The following ZNF385D variants were observed in gnomAD, a reference collection of about 807,000 sequenced individuals.
ZNF385D encodes the protein zinc finger protein 385D.
Under a neutral mutation model 35.8 loss-of-function variants are expected in ZNF385D, and 15 were observed. The ratio of observed to expected loss-of-function variants is 0.42; its 90% CI spans 0.28 to 0.64. The LOEUF is 0.64. Among genes scored for constraint, ZNF385D ranks in the 30% least tolerant of loss-of-function variants. The pLI is 0.23. For missense variants in ZNF385D, 474 were observed against 494.6 expected (o/e 0.96, Z 0.39); for synonymous variants, 212 against 186.8 (o/e 1.13, Z -1.10).
chr3:21,534,438 T>C, intron 3 of ZNF385D, among the ~76,000 whole-genome samples: 1 of 151,818 alleles, frequency 6.6e-6, no homozygotes. Context: ...CCAAAGGTGG[T>C]TCAGTTCTTC....
intron 2 of ZNF385D, among the ~76,000 whole-genome samples, chr3:22,355,830 A>T (rs749266103): frequency 6.6e-6 from 1 of 152,018 alleles, no homozygotes; most frequent in Non-Finnish European, 1.5e-5. Context: ...ATACAACCAT[A>T]TCACAAATTT....
rs186868635 is a variant in ZNF385D, at chr3:21,970,422, T to C, written c.325+198395A>G. The stretch of plus-strand genomic sequence containing the variant: ...GCAGTTGACATACTGTAAAATGCAT[T>C]AGGGTCTCTTAACAGCAGAATTGAT... On this transcript the variant is annotated intron_variant, in intron 3 of 5. Transcript: ENST00000494108. 2.8e-4 allele frequency among the ~76,000 whole-genome samples: 43 copies of C among 151,284 alleles called. No homozygotes were observed. The East Asian group carries it at 7.5e-3, about 27-fold the overall frequency.
intron 2 of ZNF385D, among the ~76,000 whole-genome samples, chr3:22,303,560 T>C (rs1703035092): frequency 6.6e-6 from 1 of 152,190 alleles, no homozygotes; most frequent in Admixed American, 6.5e-5. Context: ...AAACATATTC[T>C]ATACTGCAGC....
chr3:21,550,609 A>C (rs1383655590), intron 3 of ZNF385D, among the ~76,000 whole-genome samples: 1 of 152,050 alleles, frequency 6.6e-6, no homozygotes, highest in Non-Finnish European at 1.5e-5. Flanking sequence ...CAGCCTCCTT[A>C]GTAGCTGGGA....
chr3:22,267,383 A>G (rs1481752181), intron 2 of ZNF385D, among the ~76,000 whole-genome samples: 1 of 151,924 alleles, frequency 6.6e-6, no homozygotes, highest in Non-Finnish European at 1.5e-5. Context: ...TTACCAAAGA[A>G]CACAAAAACT....
chr3:21,585,476 C>T (rs1033633341), intron 2 of ZNF385D, among the ~76,000 whole-genome samples: 9 of 152,118 alleles, frequency 5.9e-5, no homozygotes, highest in Admixed American at 2.0e-4. Context: ...TTCTGGATAA[C>T]CATTTGCATT....
chr3:21,806,756 T>C (rs1440991902), intron 3 of ZNF385D, among the ~76,000 whole-genome samples: 1 of 152,188 alleles, frequency 6.6e-6, no homozygotes, highest in African/African-American at 2.4e-5. Context: ...ACTACCCTAG[T>C]CAGAAAACTC....
chr3:22,319,715 T>C (rs947014090), intron 2 of ZNF385D, among the ~76,000 whole-genome samples: 5 of 152,056 alleles, frequency 3.3e-5, no homozygotes, highest in African/African-American at 1.2e-4. Flanking sequence ...ACTACAAAAA[T>C]ATTGGTAAAA....
chr3:22,103,772 G>A (rs1245672904), intron 3 of ZNF385D, among the ~76,000 whole-genome samples: 4 of 151,970 alleles, frequency 2.6e-5, no homozygotes, highest in African/African-American at 9.7e-5. Flanking sequence ...GGAAAACCCA[G>A]TCCTCTAATG....
At chr3:22,152,311 G>A (rs925706928) in intron 3 of ZNF385D, among the ~76,000 whole-genome samples, 1 of 152,164 alleles carries the variant, frequency 6.6e-6, no homozygotes, top group South Asian at 2.1e-4. Context: ...GGGAGGGTGA[G>A]TACTTGCTTG....
At chr3:22,154,443 A>T (rs1705457590) in intron 3 of ZNF385D, among the ~76,000 whole-genome samples, 1 of 152,186 alleles carries the variant, frequency 6.6e-6, no homozygotes, top group African/African-American at 2.4e-5. Context: ...TTCACCACGT[A>T]AGAAAACAGA....
chr3:21,927,351 T>G (rs900318964), intron 3 of ZNF385D, among the ~76,000 whole-genome samples: 2 of 152,180 alleles, frequency 1.3e-5, no homozygotes, highest in African/African-American at 2.4e-5. Flanking sequence ...AAATCGTGCA[T>G]TGCAATTCTG....
At chr3:21,873,804 T>C (rs115341585) in intron 3 of ZNF385D, among the ~76,000 whole-genome samples, 140 of 152,262 alleles carry the variant, frequency 9.2e-4, no homozygotes, top group African/African-American at 3.3e-3. Context: ...TGTCACATAT[T>C]ACAATATTTC....
At chr3:21,872,935 G>C (rs1445582446) in intron 3 of ZNF385D, among the ~76,000 whole-genome samples, 1 of 152,052 alleles carries the variant, frequency 6.6e-6, no homozygotes, top group Non-Finnish European at 1.5e-5. Context: ...AATGGCTTTG[G>C]TGTGCATCCA....
intron 3 of ZNF385D, among the ~76,000 whole-genome samples, chr3:22,046,769 A>G (rs1221364176): frequency 6.6e-6 from 1 of 152,168 alleles, no homozygotes; most frequent in African/African-American, 2.4e-5. Context: ...AGCAGATATT[A>G]TATACTGGTC....
At chr3:21,870,466 G>A (rs973491347) in intron 3 of ZNF385D, among the ~76,000 whole-genome samples, 1 of 152,124 alleles carries the variant, frequency 6.6e-6, no homozygotes, top group Admixed American at 6.6e-5. Context: ...AATCCTTGCG[G>A]CTACTTATCT....
intron 3 of ZNF385D, among the ~76,000 whole-genome samples, chr3:22,028,169 G>T (rs1428265124): frequency 6.6e-6 from 1 of 152,242 alleles, no homozygotes; most frequent in South Asian, 2.1e-4. Context: ...GTATGTGGAT[G>T]GTCACCTCTA....
At chr3:21,849,423 C>G (rs1696231636) in intron 3 of ZNF385D, among the ~76,000 whole-genome samples, 1 of 151,982 alleles carries the variant, frequency 6.6e-6, no homozygotes, top group African/African-American at 2.4e-5. Context: ...AATGTGACAT[C>G]TGAATATTCC....
intron 3 of ZNF385D, among the ~76,000 whole-genome samples, chr3:22,081,030 C>A (rs1354367530): frequency 6.6e-6 from 1 of 152,140 alleles, no homozygotes; most frequent in Non-Finnish European, 1.5e-5. Flanking sequence ...TCTATACACA[C>A]ATGCACACAC....
Sources: gnomAD v4.1 joint callset for allele counts (sites outside exome capture counted in the v4.1 genomes callset) on GRCh38, gnomAD v4.1.1 for gene constraint, MANE v1.5 for transcripts, NCBI Gene and HGNC (gene_info 2026-07-23, HGNC 2026-07-21) for gene names.